INTS10: variants seen among roughly 807,000 people sequenced by gnomAD.
The protein encoded by INTS10 is integrator complex subunit 10.
Under a neutral mutation model 94.4 loss-of-function variants are expected in INTS10, and 44 were observed. The ratio of observed to expected loss-of-function variants is 0.47; its 90% confidence interval spans 0.37 to 0.60. The LOEUF (loss-of-function observed/expected upper bound fraction) is 0.60. Among genes scored for constraint, INTS10 ranks in the 20% least tolerant of loss-of-function variants. The pLI is 0.00. For missense variants in INTS10, 797 were observed against 868.7 expected (o/e 0.92, Z 1.04); for synonymous variants, 341 against 320.7 (o/e 1.06, Z -0.68).
rs761284270 is a variant in INTS10 at position 19,818,338 on chromosome 8, G to A, written c.193G>A (p.Asp65Asn). The A allele has an allele frequency of 1.7e-5, 28 of 1,614,126 alleles. No individual in the cohort carries two copies. Among genetic ancestry groups the A allele is most frequent in the Non-Finnish European group, 2.3e-5 (27 of 1,179,982 alleles). The part of the protein sequence containing the change: ...RTATAGRLLY[D>N]MFVNFPDQPV... ...CGCCACCGCCGGGAGGCTGCTGTAC[G>A]ACATGTGAGTGGGACGCTTGACATC... Residue 65 changes from aspartate to asparagine, a missense_variant, in exon 2 of 17, where the codon GAC becomes AAC. By Grantham distance (23) the Asp-to-Asn change is conservative. Around this residue, in one of 3 missense-constraint regions of INTS10, gnomAD observed 734 missense variants for 787.8 expected, o/e 0.93. Transcript: ENST00000397977.
chr8:19,817,884 C>T (rs899602913), intron 1 of INTS10, among the ~76,000 whole-genome samples: 10 of 151,648 alleles, frequency 6.6e-5, no homozygotes, highest in African/African-American at 2.4e-4. Flanking sequence ...GGAGCCCTCT[C>T]CCCAGCACTT....
Position 19,845,951 on chromosome 8 carries a change from A to C in INTS10, c.1976+154A>C, listed in dbSNP as rs953250433. On this transcript the variant is annotated intron_variant, in intron 16 of 16. Coordinates refer to ENST00000397977, the MANE Select transcript of INTS10 (RefSeq NM_018142.4). ...ATAGTTTGATTCTGGGTACCTTTTG[A>C]AAAACTTGCATTTCCTTAACTACAT... The C allele has an allele frequency of 7.7e-5, 39 of 505,868 alleles. No individual in the cohort carries two copies. In the Admixed American group the frequency reaches 1.3e-3, roughly 16 times the overall value. The allele number at this position is 505,868 out of a possible 1,614,324, so 31.3% of individuals were successfully genotyped here.
In INTS10 at chr8:19,820,528, G is replaced by T. The variant is rs779821095; in HGVS notation, c.441+10G>T. On this transcript the variant is annotated intron_variant, in intron 4 of 16. Transcript: ENST00000397977. ...GGTGGTGCAGCATGGGGTGAGATTTGATTCTTCCCCTTCTTTTAATATAAA... is the reference window on the plus strand; with the variant it reads ...GGTGGTGCAGCATGGGGTGAGATTTTATTCTTCCCCTTCTTTTAATATAAA... 2 of 1,601,604 alleles carry T rather than the reference G, an allele frequency of 1.2e-6. No homozygotes were observed. Among genetic ancestry groups the T allele is most frequent in the African/African-American group, 2.7e-5 (2 of 74,602 alleles).
At chr8:19,847,913 AC>A (rs2068713205) in intron 16 of INTS10, among the ~76,000 whole-genome samples, 1 of 152,122 alleles carries the variant, frequency 6.6e-6, no homozygotes, top group African/African-American at 2.4e-5. Context: ...GATCAATACA[AC>A]CCTTAATTTC....
chr8:19,822,735 A>G (rs2066479279), intron 5 of INTS10, among the ~76,000 whole-genome samples: 1 of 152,052 alleles, frequency 6.6e-6, no homozygotes, highest in South Asian at 2.1e-4. Flanking sequence ...GTGGATCACG[A>G]GGTCAAGAGA....
intron 2 of INTS10, chr8:19,818,939 A>G (rs1332265155): frequency 6.6e-6 from 1 of 152,386 alleles, no homozygotes. Flanking sequence ...CAGTGTGTCA[A>G]CAATTTTGTA....
chr8:19,835,925 C>T (rs1202998605), intron 12 of INTS10, among the ~76,000 whole-genome samples: 2 of 152,082 alleles, frequency 1.3e-5, no homozygotes, highest in East Asian at 1.9e-4. Flanking sequence ...TTTAAATCCC[C>T]ACTTCCAGGA....
intron 13 of INTS10, among the ~76,000 whole-genome samples, chr8:19,842,290 T>C (rs1248738792): frequency 1.3e-5 from 2 of 152,008 alleles, no homozygotes; most frequent in East Asian, 1.9e-4. Flanking sequence ...TGAAGTTGAG[T>C]AAAAAAAGCA....
intron 10 of INTS10, 70 bp from the exon 11 acceptor site, chr8:19,831,958 G>A (rs1377426538): frequency 1.0e-5 from 9 of 891,974 alleles, no homozygotes; most frequent in African/African-American, 1.6e-5. Flanking sequence ...TCTCTTACTG[G>A]ATTTGTTAGT....
chr8:19,826,629 T>G, intron 9 of INTS10, 70 bp downstream of exon 9: 1 of 1,431,496 alleles, frequency 7.0e-7, no homozygotes, highest in Middle Eastern at 2.1e-4. Context: ...CTTTGTAAAA[T>G]ATGGCTTTGG....
Position 19,830,563 on chromosome 8 carries a change from A to T in INTS10, c.1294+4A>T. 1.2e-6 allele frequency: 2 copies of T among 1,609,980 alleles called. No individual in the cohort carries two copies. Among genetic ancestry groups the T allele is most frequent in the Non-Finnish European group, 1.7e-6 (2 of 1,178,396 alleles). On this transcript the variant is annotated splice_donor_region_variant and intron_variant, in intron 10 of 16. Coordinates refer to ENST00000397977, the MANE Select transcript of INTS10 (RefSeq NM_018142.4). ...TCCCTAGAATTCCTTGACAAAGGTA[A>T]GAAAGCGCATGTCATTGGTGCTGTT...
intron 13 of INTS10, among the ~76,000 whole-genome samples, chr8:19,842,436 C>CGATGGAAGAG (rs1303472132): frequency 6.6e-6 from 1 of 152,026 alleles, no homozygotes; most frequent in Non-Finnish European, 1.5e-5. Flanking sequence ...GCGACCTCTG[C>CGATGGAAGAG]GATGGAAGAG....
intron 1 of INTS10, 90 bp downstream of exon 1, chr8:19,817,756 G>C: frequency 6.7e-7 from 1 of 1,482,332 alleles, no homozygotes; most frequent in Non-Finnish European, 9.0e-7. Flanking sequence ...GCGCCTGCCT[G>C]GGGGCTGCCG....
At chr8:19,819,476 G>C in intron 2 of INTS10, 97 bp from the exon 3 acceptor site, 2 of 837,784 alleles carry the variant, frequency 2.4e-6, no homozygotes, top group Non-Finnish European at 3.6e-6. Context: ...CATTCACTTG[G>C]AATAAAGGAA....
At position 19,828,190 on chromosome 8, in the gene INTS10, A is replaced by T. The variant is rs182782788; in HGVS notation, c.1140+1631A>T. ...CACACCACCGCCCTCCAGCCCGAGC[A>T]ACAGAGGGAGACCCCGTCTATAAAA... On this transcript the variant is annotated intron_variant, in intron 9 of 16. Coordinates refer to ENST00000397977, the MANE Select transcript of INTS10 (RefSeq NM_018142.4). 7.9e-5 allele frequency among the ~76,000 whole-genome samples: 12 copies of T among 152,362 alleles called. No individual in the cohort carries two copies. The East Asian group carries it at 2.3e-3, about 29-fold the overall frequency.
At position 19,817,458 on chromosome 8, in the gene INTS10, C is replaced by CGGCGGG; in HGVS notation, c.-78_-77insCGGGGG. The CGGCGGG allele has an allele frequency of 6.6e-7, 1 of 1,505,834 alleles. No individual in the cohort carries two copies. Among genetic ancestry groups the CGGCGGG allele is most frequent in the Non-Finnish European group, 8.9e-7 (1 of 1,124,080 alleles). The allele number at this position is 1,505,834 out of a possible 1,614,324, so 93.3% of individuals were successfully genotyped here. ...TCCCCCGCGGTGGCGGCGGCGGCGGCGGTGGCTGCCGTGGCGGCTGAGAGT... is the reference window on the plus strand; with the variant it reads ...TCCCCCGCGGTGGCGGCGGCGGCGGCGGCGGGGGTGGCTGCCGTGGCGGCTGAGAGT... On this transcript the variant is annotated 5_prime_UTR_variant, in exon 1 of 17. Coordinates refer to ENST00000397977, the MANE Select transcript of INTS10 (RefSeq NM_018142.4).
rs371868548 is a variant in INTS10, at chr8:19,844,196, C to G, written c.1840C>G (p.Gln614Glu). 3.1e-6 allele frequency: 5 copies of G among 1,613,408 alleles called. No homozygotes were observed. The African/African-American group carries it at 6.7e-5, about 22-fold the overall frequency. ...FLKAVNKICQ[Q>E]GNFQYENFFN... is the part of the protein sequence containing the mutation. ...GAAAGCTGTCAATAAAATTTGCCAA[C>G]AAGGAAATTTCCAATATGAGAATTT... The change falls in exon 15 of 17, where the codon CAA becomes GAA. Residue 614 changes from glutamine to glutamate, a missense_variant. Around this residue, in one of 3 missense-constraint regions of INTS10, gnomAD observed 734 missense variants for 787.8 expected, o/e 0.93. Transcript: ENST00000397977.
intron 16 of INTS10, 129 bp downstream of exon 16, chr8:19,845,926 A>G (rs755524681): frequency 2.2e-5 from 12 of 548,052 alleles, no homozygotes; most frequent in Non-Finnish European, 3.2e-5. Flanking sequence ...CTCTGTTATG[A>G]TAGTTTGATT....
intron 13 of INTS10, among the ~76,000 whole-genome samples, chr8:19,839,929 G>T (rs545104442): frequency 6.6e-6 from 1 of 151,880 alleles, no homozygotes; most frequent in East Asian, 1.9e-4. Flanking sequence ...CAGGTATAGT[G>T]GCACACACCT....
Sources: allele counts gnomAD v4.1 joint callset (sites outside exome capture counted in the v4.1 genomes callset), GRCh38; gene constraint gnomAD v4.1.1; regional missense constraint gnomAD v4.1.1; transcripts MANE v1.5; gene names NCBI Gene and HGNC (gene_info 2026-07-23, HGNC 2026-07-21).